TAF2: variants seen among roughly 807,000 people sequenced by gnomAD.
TAF2 encodes transcription initiation factor TFIID subunit 2.
A neutral mutation model predicts 138.5 loss-of-function variants in TAF2; 61 were observed. That is an observed-to-expected ratio of 0.44 (90% CI 0.36 to 0.54). The LOEUF is 0.54. TAF2 is among the 20% of genes least tolerant of loss of function. The pLI is 0.00. For missense variants in TAF2, 1,090 were observed against 1,427.9 expected (o/e 0.76, Z 3.81); for synonymous variants, 475 against 469.9 (o/e 1.01, Z -0.14).
intron 16 of TAF2, among the ~76,000 whole-genome samples, chr8:119,781,663 T>TGACA (rs1254296810): frequency 6.6e-6 from 1 of 151,402 alleles, no homozygotes; most frequent in Non-Finnish European, 1.5e-5. Flanking sequence ...CCACCCTGGG[T>TGACA]GACAGACTCT....
intron 22 of TAF2, among the ~76,000 whole-genome samples, chr8:119,748,881 G>C (rs1417591639): frequency 6.6e-6 from 1 of 151,120 alleles, no homozygotes; most frequent in African/African-American, 2.4e-5. Flanking sequence ...CATGGGTATA[G>C]CAAGAAAAGG....
At chr8:119,800,538 T>C (rs1824183952) in intron 6 of TAF2, among the ~76,000 whole-genome samples, 1 of 152,196 alleles carries the variant, frequency 6.6e-6, no homozygotes, top group East Asian at 1.9e-4. Context: ...GCTGTTTTGG[T>C]TACTGTAGCC....
intron 22 of TAF2, among the ~76,000 whole-genome samples, chr8:119,755,791 A>G (rs904260026): frequency 6.6e-5 from 10 of 152,140 alleles, no homozygotes; most frequent in Non-Finnish European, 1.2e-4. Context: ...ACAAATAAAG[A>G]GTTTTGTTTC....
In TAF2 at chr8:119,742,579, T is replaced by G. The variant is rs200397588; in HGVS notation, c.3292A>C (p.Thr1098Pro). Residue 1098 changes from threonine to proline, a missense_variant, in exon 25 of 26, where the codon ACC (threonine) becomes CCC (proline). Coordinates refer to ENST00000378164, the MANE Select transcript of TAF2 (RefSeq NM_003184.4). ...QHSAGCDSTP[T>P]TKPQWSLELA... ...TCCAAACTCCACTGGGGTTTTGTGG[T>G]GGGTGTGCTGTCACAGCCTGCTGAG... 69 of 1,614,046 alleles carry G rather than the reference T, an allele frequency of 4.3e-5. 1 individual carries two copies. Among genetic ancestry groups the G allele is most frequent in the Middle Eastern group, 3.3e-4 (2 of 6,058 alleles).
rs552471022 is a variant in TAF2 at position 119,783,452 on chromosome 8, G to A, written c.2041C>T (p.Leu681Phe). The change falls in exon 16 of 26, where the codon CTC (leucine) becomes TTC (phenylalanine). Residue 681 changes from leucine to phenylalanine, a missense_variant. By Grantham distance (22) the Leu-to-Phe change is conservative. Coordinates refer to ENST00000378164, the MANE Select transcript of TAF2 (RefSeq NM_003184.4). ...TGCTCTTGTTCTAATATATCAGTGA[G>A]TGCAAGCCGAGATGCTGGAGTAGGG... is the stretch of plus-strand genomic sequence containing the variant. ...KFPTPASRLA[L>F]TDILEQEQCF... 6.2e-7 allele frequency: 1 copy of A among 1,614,150 alleles called. No homozygotes were observed. Among genetic ancestry groups the A allele is most frequent in the South Asian group, 1.1e-5 (1 of 91,084 alleles).
chr8:119,747,460 C>T (rs1429200988), intron 22 of TAF2, among the ~76,000 whole-genome samples: 2 of 152,140 alleles, frequency 1.3e-5, no homozygotes, highest in Non-Finnish European at 2.9e-5. Flanking sequence ...GGGCAGTAGA[C>T]GTGGACTTGA....
chr8:119,797,804 G>T lies in TAF2; in HGVS notation c.835C>A (p.His279Asn). The change falls in exon 7 of 26, where the codon CAT becomes AAT. Residue 279 changes from histidine (H) to asparagine (N), a missense_variant. Coordinates refer to ENST00000378164, the MANE Select transcript of TAF2 (RefSeq NM_003184.4). ...CLPQLLPLLK[H>N]TTSYLHEVFE... Reference sequence around the variant, plus strand: ...ACTTCATGAAGGTATGATGTGGTATGTTTCAGCAATGGAAGAAGTTGGGGC... The same window carrying T: ...ACTTCATGAAGGTATGATGTGGTATTTTTCAGCAATGGAAGAAGTTGGGGC... The T allele has an allele frequency of 1.2e-6, 2 of 1,613,576 alleles. No individual in the cohort carries two copies. The highest frequency in any genetic ancestry group is 1.7e-6 in the Non-Finnish European group (2 of 1,179,692).
intron 25 of TAF2, among the ~76,000 whole-genome samples, chr8:119,740,591 G>C (rs567265746): frequency 1.3e-5 from 2 of 148,768 alleles, no homozygotes; most frequent in African/African-American, 4.9e-5. Flanking sequence ...CTTGAACCCA[G>C]GAGGTGGAGG....
At chr8:119,794,632 A>T (rs1469401715) in intron 9 of TAF2, among the ~76,000 whole-genome samples, 1 of 152,202 alleles carries the variant, frequency 6.6e-6, no homozygotes, top group Non-Finnish European at 1.5e-5. Context: ...GAATGATAGC[A>T]AGGTAGTTAG....
chr8:119,778,801 T>C (rs1051824235), intron 17 of TAF2, among the ~76,000 whole-genome samples: 2 of 152,188 alleles, frequency 1.3e-5, no homozygotes, highest in Non-Finnish European at 2.9e-5. Flanking sequence ...TGTAGAAACA[T>C]GACTTACACA....
chr8:119,769,818 C>T (rs1821698999), intron 18 of TAF2, among the ~76,000 whole-genome samples: 1 of 150,652 alleles, frequency 6.6e-6, no homozygotes. Flanking sequence ...AGTGAAGTGG[C>T]GCGATCTCGG....
At chr8:119,819,685 T>C (rs1825700207) in intron 2 of TAF2, among the ~76,000 whole-genome samples, 179 bp from the exon 3 acceptor site, 1 of 152,220 alleles carries the variant, frequency 6.6e-6, no homozygotes, top group Admixed American at 6.5e-5. Flanking sequence ...AGTGACTGAA[T>C]GGGTGTGAGT....
intron 11 of TAF2, 129 bp from the exon 12 acceptor site, chr8:119,789,875 GATT>G (rs747365258): frequency 5.2e-5 from 49 of 944,512 alleles, no homozygotes; most frequent in Non-Finnish European, 7.6e-5. Flanking sequence ...TTATTACACA[GATT>G]ATTCTAAAGA....
chr8:119,796,080 A>AT (rs557953047), intron 8 of TAF2, among the ~76,000 whole-genome samples: 13 of 150,392 alleles, frequency 8.6e-5, no homozygotes, highest in East Asian at 5.8e-4. Context: ...TCCTTCATTC[A>AT]TTTTTTTTTG....
intron 2 of TAF2, among the ~76,000 whole-genome samples, chr8:119,823,784 A>C (rs1825933467): frequency 6.6e-6 from 1 of 152,198 alleles, no homozygotes; most frequent in Non-Finnish European, 1.5e-5. Context: ...AAAATGCGGG[A>C]AAGTTTGGAA....
At chr8:119,762,333 T>A (rs1443626119) in intron 19 of TAF2, 82 bp downstream of exon 19, 1 of 1,372,498 alleles carries the variant, frequency 7.3e-7, no homozygotes, top group Non-Finnish European at 1.0e-6. Context: ...CTTTACTATA[T>A]TTCCCAATTT....
chr8:119,806,408 A>G lies in TAF2; in HGVS notation c.300-7T>C, dbSNP rs759989110. ...AAAATAATTGAGGTTTCTCCTGGGG[A>G]AAAAAAAGAGCCAACTTTTAATAAT... On this transcript the variant is annotated splice_region_variant and splice_polypyrimidine_tract_variant and intron_variant, in intron 3 of 25. Coordinates refer to ENST00000378164, the MANE Select transcript of TAF2 (RefSeq NM_003184.4). The G allele has an allele frequency of 3.4e-5, 54 of 1,594,092 alleles. No homozygotes were observed. The highest frequency in any genetic ancestry group is 2.7e-5 in the Non-Finnish European group (31 of 1,163,650).
intron 18 of TAF2, among the ~76,000 whole-genome samples, chr8:119,765,834 T>G (rs1586363784): frequency 6.6e-6 from 1 of 152,218 alleles, no homozygotes; most frequent in African/African-American, 2.4e-5. Context: ...CTTACATATA[T>G]TATCTTGTGT....
rs771523182 is a variant in TAF2 at position 119,811,805 on chromosome 8, C to CAA, written c.300-5406_300-5405dup. ...TGGGCGAAAGAGTGAGACTCCGTCT[C>CAA]AAAAAAAAAAAAAAAAAAAAAAATA... On this transcript the variant is annotated intron_variant, in intron 3 of 25. Transcript: ENST00000378164. 5.2e-3 allele frequency among the ~76,000 whole-genome samples: 309 copies of CAA among 59,022 alleles called. 5 individuals are homozygous for CAA. The highest frequency in any genetic ancestry group is 8.1e-3 in the South Asian group (13 of 1,598). 38.7% of individuals were successfully genotyped at this position (59,022 alleles called of 152,430 possible).
Sources: gnomAD v4.1 joint callset for allele counts (sites outside exome capture counted in the v4.1 genomes callset) on GRCh38, gnomAD v4.1.1 for gene constraint, MANE v1.5 for transcripts, NCBI Gene and HGNC (gene_info 2026-07-23, HGNC 2026-07-21) for gene names.